NUMB: variants seen among roughly 807,000 people sequenced by gnomAD.
NUMB encodes NUMB endocytic adaptor protein, also known as protein numb homolog.
Under a neutral mutation model 59.7 loss-of-function variants are expected in NUMB, and 29 were observed. That is an observed-to-expected ratio of 0.49 (90% CI 0.36 to 0.66). NUMB has a LOEUF of 0.66. Among genes scored for constraint, NUMB ranks in the 30% least tolerant of loss-of-function variants. The pLI, the probability that NUMB is intolerant of heterozygous loss-of-function variation, is 0.00. For synonymous variants in NUMB, 288 were observed against 288.2 expected, an observed-to-expected ratio of 1.00 and a Z score of 0.01; for missense variants, 723 against 822.0, an observed-to-expected ratio of 0.88 and a Z score of 1.47.
At chr14:73,400,906 A>T (rs1016837600) in intron 2 of NUMB, among the ~76,000 whole-genome samples, 5 of 152,116 alleles carry the variant, frequency 3.3e-5, no homozygotes, top group African/African-American at 1.2e-4. Context: ...CTTTATGATA[A>T]CCCAATAAAT....
intron 4 of NUMB, among the ~76,000 whole-genome samples, chr14:73,324,916 G>C (rs1388358918): frequency 6.6e-6 from 1 of 152,080 alleles, no homozygotes; most frequent in African/African-American, 2.4e-5. Context: ...GGCCAATAGA[G>C]ACATTAAGAT....
At chr14:73,373,516 G>A (rs1894803379) in intron 2 of NUMB, among the ~76,000 whole-genome samples, 1 of 152,096 alleles carries the variant, frequency 6.6e-6, no homozygotes, top group South Asian at 2.1e-4. Context: ...TCCATCATGG[G>A]ACTTACATTC....
intron 6 of NUMB, among the ~76,000 whole-genome samples, chr14:73,307,309 TAA>T (rs34444870): frequency 0.081 from 11,565 of 143,000 alleles, 1,004 homozygotes; most frequent in African/African-American, 0.22. Context: ...ACTCTGTCTT[TAA>T]AAAAAAAAAA....
intron 2 of NUMB, among the ~76,000 whole-genome samples, chr14:73,394,587 A>G (rs1160064865): frequency 1.3e-5 from 2 of 152,080 alleles, no homozygotes; most frequent in Admixed American, 6.6e-5. Context: ...CTTTTCAAGT[A>G]TATAATACAT....
rs1555375287 is a variant in NUMB, at chr14:73,367,348, T to TATAGAGAGAGAGAGAG, written c.-100-368_-100-367insCTCTCTCTCTCTCTAT. ...ATATATACATATATATATATATATATAGAGAGAGAGAGAGAGAGAGAGAGA... is the reference window on the plus strand; with the variant it reads ...ATATATACATATATATATATATATATATAGAGAGAGAGAGAGAGAGAGAGAGAGAGAGAGAGAGAGA... On this transcript the variant is annotated intron_variant, in intron 2 of 12. Transcript: ENST00000555238. Among the ~76,000 whole-genome samples, 605 of 105,246 alleles carry TATAGAGAGAGAGAGAG rather than the reference T, an allele frequency of 5.7e-3. 2 individuals carry two copies. Among genetic ancestry groups the TATAGAGAGAGAGAGAG allele is most frequent in the Middle Eastern group, 0.019 (4 of 206 alleles). The allele number at this position is 105,246 out of a possible 152,430, so 69.0% of individuals were successfully genotyped here. A position where few individuals can be genotyped will look rare whatever the true frequency, so the allele number is the denominator to read the frequency against.
At chr14:73,296,611 T>G (rs963233058) in intron 7 of NUMB, among the ~76,000 whole-genome samples, 1 of 152,250 alleles carries the variant, frequency 6.6e-6, no homozygotes, top group Non-Finnish European at 1.5e-5. Flanking sequence ...GAGATTGTAC[T>G]TTGGACTAAG....
At chr14:73,311,651 G>A (rs754931279) in intron 6 of NUMB, among the ~76,000 whole-genome samples, 16 of 152,094 alleles carry the variant, frequency 1.1e-4, no homozygotes, top group Non-Finnish European at 2.2e-4. Flanking sequence ...TTACTTTCAC[G>A]TAAAAGTGTT....
chr14:73,402,649 C>A (rs1382121388), intron 2 of NUMB, among the ~76,000 whole-genome samples: 1 of 152,188 alleles, frequency 6.6e-6, no homozygotes, highest in African/African-American at 2.4e-5. Context: ...AGGTACTTTA[C>A]ATAAATTATC....
chr14:73,284,073 T>C lies in NUMB; in HGVS notation c.949+8A>G. 1 of 1,612,860 alleles carries C rather than the reference T, an allele frequency of 6.2e-7. No individual in the cohort carries two copies. Among genetic ancestry groups the C allele is most frequent in the Non-Finnish European group, 8.5e-7 (1 of 1,178,884 alleles). On this transcript the variant is annotated splice_region_variant and intron_variant, in intron 10 of 12. Transcript: ENST00000555238. The stretch of plus-strand genomic sequence containing the variant: ...AGTACCCAGTGAGTCAGGTAGATGC[T>C]ACATTACCTGCATTTTTAATGGGGA...
At chr14:73,401,608 C>T (rs1424546974) in intron 2 of NUMB, among the ~76,000 whole-genome samples, 3 of 131,564 alleles carry the variant, frequency 2.3e-5, no homozygotes, top group Admixed American at 8.9e-5. Flanking sequence ...CTCGCTCTGT[C>T]GCCCAGGCTG....
At chr14:73,395,030 CGTGTGTTTGTGTGT>C (rs1385019343) in intron 2 of NUMB, among the ~76,000 whole-genome samples, 1,653 of 58,312 alleles carry the variant, frequency 0.028, 29 homozygotes, top group African/African-American at 0.053. Context: ...GAATAGTATT[CGTGTGTTTGTGTGT>C]GTGTGTGTGT....
chr14:73,455,813 T>C (rs1884328402), intron 1 of NUMB, among the ~76,000 whole-genome samples: 1 of 152,246 alleles, frequency 6.6e-6, no homozygotes, highest in South Asian at 2.1e-4. Context: ...CATTTCAGTG[T>C]TGTTTACTGT....
intron 6 of NUMB, among the ~76,000 whole-genome samples, chr14:73,307,728 C>CTTTTTTTT (rs34429117): frequency 8.4e-5 from 8 of 95,488 alleles, no homozygotes; most frequent in South Asian, 4.1e-4. Flanking sequence ...GGGCCTCTGT[C>CTTTTTTTT]TTTTTTTTTT....
chr14:73,330,528 C>T (rs4899460), intron 4 of NUMB, among the ~76,000 whole-genome samples: 121,757 of 152,178 alleles, frequency 0.8, 49,269 homozygotes, highest in African/African-American at 0.92. Context: ...GCAAATTACA[C>T]GACTTGTCTG....
chr14:73,334,171 C>A (rs1892158653), intron 4 of NUMB, among the ~76,000 whole-genome samples: 1 of 152,146 alleles, frequency 6.6e-6, no homozygotes, highest in African/African-American at 2.4e-5. Flanking sequence ...CCTGCCTCAG[C>A]CTCCCAAAGT....
At chr14:73,425,853 G>A (rs900506115) in intron 1 of NUMB, among the ~76,000 whole-genome samples, 31 of 146,026 alleles carry the variant, frequency 2.1e-4, no homozygotes, top group Non-Finnish European at 4.5e-4. Flanking sequence ...CTGTCACCCA[G>A]GCTGGAGTGC....
intron 4 of NUMB, among the ~76,000 whole-genome samples, chr14:73,340,758 A>G (rs932296192): frequency 6.6e-6 from 1 of 152,258 alleles, no homozygotes; most frequent in South Asian, 2.1e-4. Context: ...ACAGAATAGG[A>G]GATTTAATTA....
At chr14:73,431,343 C>T (rs1037532055) in intron 1 of NUMB, among the ~76,000 whole-genome samples, 2 of 151,334 alleles carry the variant, frequency 1.3e-5, no homozygotes, top group South Asian at 2.1e-4. Context: ...GCAACCTCTG[C>T]CTCCCGCATT....
At chr14:73,446,227 C>T (rs1399143767) in intron 1 of NUMB, among the ~76,000 whole-genome samples, 1 of 151,594 alleles carries the variant, frequency 6.6e-6, no homozygotes, top group Non-Finnish European at 1.5e-5. Flanking sequence ...AAACTTCTGA[C>T]CTCAAGTGAT....
Sources: allele counts gnomAD v4.1 joint callset (sites outside exome capture counted in the v4.1 genomes callset), GRCh38; gene constraint gnomAD v4.1.1; transcripts MANE v1.5; gene names NCBI Gene and HGNC (gene_info 2026-07-23, HGNC 2026-07-21).